CRTAC1: variants seen among roughly 807,000 people sequenced by gnomAD.
CRTAC1 encodes cartilage acidic protein 1.
A neutral mutation model predicts 67.8 loss-of-function variants in CRTAC1; 37 were observed. That is an observed-to-expected ratio of 0.55 (90% CI 0.42 to 0.72). CRTAC1 has a LOEUF of 0.72. Among genes scored for constraint, CRTAC1 ranks in the 30% least tolerant of loss-of-function variants. The pLI, the probability that CRTAC1 is intolerant of heterozygous loss-of-function variation, is 0.00. For missense variants in CRTAC1, 780 were observed against 931.6 expected (o/e 0.84, Z 2.12); for synonymous variants, 348 against 371.0 (o/e 0.94, Z 0.71).
At chr10:97,950,050 A>G (rs1229937188) in intron 2 of CRTAC1, among the ~76,000 whole-genome samples, 1 of 152,180 alleles carries the variant, frequency 6.6e-6, no homozygotes, top group East Asian at 1.9e-4. Flanking sequence ...AGCTCCATGG[A>G]GTTCTGGTCT....
At chr10:97,960,743 A>G (rs979144965) in intron 2 of CRTAC1, among the ~76,000 whole-genome samples, 5 of 152,228 alleles carry the variant, frequency 3.3e-5, no homozygotes, top group Non-Finnish European at 5.9e-5. Flanking sequence ...ATGGGTCAAC[A>G]TATTCAATGT....
At chr10:97,874,040 CACTTGGGCTTCTGGAAT>C (rs1229397459) in intron 14 of CRTAC1, among the ~76,000 whole-genome samples, 1 of 152,184 alleles carries the variant, frequency 6.6e-6, no homozygotes, top group Non-Finnish European at 1.5e-5. Flanking sequence ...CTTGTTCATA[CACTTGGGCTTCTGGAAT>C]ACCTGGAGCT....
At chr10:97,950,170 C>A (rs1018307985) in intron 2 of CRTAC1, among the ~76,000 whole-genome samples, 1 of 151,622 alleles carries the variant, frequency 6.6e-6, no homozygotes, top group African/African-American at 2.4e-5. Flanking sequence ...ATTTGTCTTA[C>A]CCCAAGGTCA....
intron 11 of CRTAC1, among the ~76,000 whole-genome samples, chr10:97,888,569 G>A (rs2050319640): frequency 1.3e-5 from 2 of 152,194 alleles, no homozygotes; most frequent in African/African-American, 4.8e-5. Context: ...CTGACATTGA[G>A]GCTTGACAAG....
intron 11 of CRTAC1, among the ~76,000 whole-genome samples, chr10:97,886,802 G>A (rs1372029980): frequency 6.6e-6 from 1 of 151,722 alleles, no homozygotes; most frequent in Non-Finnish European, 1.5e-5. Flanking sequence ...GTACCACCGC[G>A]CCTGGCTAAT....
intron 14 of CRTAC1, chr10:97,868,490 G>T (rs138156624): frequency 1.3e-5 from 2 of 152,396 alleles, no homozygotes; most frequent in African/African-American, 4.8e-5. Flanking sequence ...TCAGACTGTG[G>T]GGACAACGGC....
intron 14 of CRTAC1, among the ~76,000 whole-genome samples, chr10:97,874,868 C>A (rs972662786): frequency 2.6e-5 from 4 of 152,170 alleles, no homozygotes; most frequent in African/African-American, 7.2e-5. Flanking sequence ...TCCCGGATGG[C>A]CTTGATGTTA....
chr10:97,891,114 G>A (rs1464165047), intron 11 of CRTAC1, among the ~76,000 whole-genome samples: 2 of 152,284 alleles, frequency 1.3e-5, no homozygotes, highest in African/African-American at 4.8e-5. Context: ...CACACAGTAC[G>A]TGCTCAGTAA....
intron 13 of CRTAC1, among the ~76,000 whole-genome samples, chr10:97,882,274 G>T (rs1226719042): frequency 6.6e-6 from 1 of 152,146 alleles, no homozygotes; most frequent in Non-Finnish European, 1.5e-5. Flanking sequence ...CTTTCAGAAG[G>T]TTCTTGGACC....
intron 2 of CRTAC1, among the ~76,000 whole-genome samples, chr10:97,998,976 T>A (rs1295040144): frequency 6.6e-6 from 1 of 151,806 alleles, no homozygotes; most frequent in Admixed American, 6.6e-5. Flanking sequence ...AAATCCCAAA[T>A]CAATAGGGGT....
chr10:97,927,697 G>A (rs1349400144), intron 3 of CRTAC1, among the ~76,000 whole-genome samples: 2 of 152,214 alleles, frequency 1.3e-5, no homozygotes, highest in East Asian at 3.9e-4. Context: ...AAATGGGAAC[G>A]GCAAAATCAA....
At chr10:97,912,906 C>A (rs2050707928) in intron 5 of CRTAC1, among the ~76,000 whole-genome samples, 1 of 152,182 alleles carries the variant, frequency 6.6e-6, no homozygotes, top group Non-Finnish European at 1.5e-5. Context: ...ATGTTGGGGG[C>A]TGATTCCTGT....
intron 1 of CRTAC1, among the ~76,000 whole-genome samples, chr10:98,018,600 C>T (rs1180877331): frequency 6.6e-6 from 1 of 152,182 alleles, no homozygotes; most frequent in African/African-American, 2.4e-5. Context: ...CCTGGATTCT[C>T]TGACGTGGGG....
In CRTAC1 at chr10:97,884,235, C is replaced by T. The variant is rs754527297; in HGVS notation, c.1603G>A (p.Asp535Asn). The change falls in exon 12 of 15, where the codon GAC (aspartate) becomes AAC (asparagine). Residue 535 changes from aspartate (D) to asparagine (N), a missense_variant. Physicochemically the swap from Asp to Asn is conservative, Grantham distance 23. Transcript: ENST00000370597. ...VLEILYPRDE[D>N]TLQDPAPLEC... ...AGTGGGGCTGGGTCCTGAAGTGTGT[C>T]CTCATCCCGGGGGTAGAGGATCTCC... 5.1e-6 allele frequency: 8 copies of T among 1,569,324 alleles called. No individual in the cohort carries two copies. The South Asian group carries it at 8.2e-5, about 16-fold the overall frequency.
rs1364422896 is a variant in CRTAC1, at chr10:97,907,974, A to AG, written c.850+38dup. ...TGGAGTCCTCTGTGGGTCTGGGGTG[A>AG]GGGGTCAGGGTGCACAGGGCATGGC... On this transcript the variant is annotated intron_variant, in intron 6 of 14. Transcript: ENST00000370597. The AG allele has an allele frequency of 8.7e-6, 14 of 1,610,446 alleles. No individual in the cohort carries two copies. The African/African-American group carries it at 1.9e-4, about 22-fold the overall frequency.
intron 2 of CRTAC1, among the ~76,000 whole-genome samples, chr10:97,993,447 T>C (rs1362010653): frequency 1.3e-5 from 2 of 152,228 alleles, no homozygotes; most frequent in African/African-American, 2.4e-5. Flanking sequence ...GTAGCAAATA[T>C]GACATTCTGC....
At chr10:97,884,511 T>C in intron 11 of CRTAC1, 160 bp from the exon 12 acceptor site, 1 of 677,508 alleles carries the variant, frequency 1.5e-6, no homozygotes, top group Non-Finnish European at 2.5e-6. Context: ...AGGTCCCTCC[T>C]CTCTGGAGCA....
intron 1 of CRTAC1, among the ~76,000 whole-genome samples, chr10:98,022,207 T>C (rs1441201724): frequency 1.3e-5 from 2 of 151,856 alleles, no homozygotes; most frequent in Admixed American, 1.3e-4. Context: ...AATACAAAAT[T>C]AGCTGGGTGT....
intron 2 of CRTAC1, among the ~76,000 whole-genome samples, chr10:97,965,962 T>C (rs889357525): frequency 2.6e-5 from 4 of 152,132 alleles, no homozygotes; most frequent in Non-Finnish European, 4.4e-5. Flanking sequence ...GGAGAGGTGA[T>C]TGTGATGGCT....
Sources: gnomAD v4.1 joint callset for allele counts (sites outside exome capture counted in the v4.1 genomes callset) on GRCh38, gnomAD v4.1.1 for gene constraint, MANE v1.5 for transcripts, NCBI Gene and HGNC (gene_info 2026-07-23, HGNC 2026-07-21) for gene names.